Variants in CHRM3 observed in about 807,000 individuals in gnomAD.
The protein encoded by CHRM3 is muscarinic acetylcholine receptor M3.
Under a neutral mutation model 41.8 loss-of-function variants are expected in CHRM3, and 11 were observed. That is an observed-to-expected ratio of 0.26 (90% CI 0.17 to 0.44). The LOEUF (loss-of-function observed/expected upper bound fraction) is 0.44, where lower values mean the gene tolerates loss of function less well. CHRM3 is among the 20% of genes least tolerant of loss of function. The pLI is 1.00. For missense variants in CHRM3, 571 were observed against 745.4 expected, an observed-to-expected ratio of 0.77 and a Z score of 2.72; for synonymous variants, 297 against 301.4, an observed-to-expected ratio of 0.99 and a Z score of 0.15.
chr1:239,780,590 T>C (rs1668439943), intron 5 of CHRM3, among the ~76,000 whole-genome samples: 1 of 152,184 alleles, frequency 6.6e-6, no homozygotes, highest in African/African-American at 2.4e-5. Context: ...CATGACAGTG[T>C]CTCTCACAGA....
At chr1:239,551,922 G>A (rs1659869726) in intron 3 of CHRM3, among the ~76,000 whole-genome samples, 1 of 152,038 alleles carries the variant, frequency 6.6e-6, no homozygotes, top group African/African-American at 2.4e-5. Context: ...AGCTATTGTA[G>A]ATTAACATCC....
intron 1 of CHRM3, among the ~76,000 whole-genome samples, chr1:239,449,753 T>TGTGC (rs58076099): frequency 2.6e-5 from 4 of 151,576 alleles, no homozygotes; most frequent in African/African-American, 9.7e-5. Flanking sequence ...TGTGTGTGTG[T>TGTGC]GCGTGTGTGT....
intron 6 of CHRM3, among the ~76,000 whole-genome samples, chr1:239,866,504 G>A (rs1202676722): frequency 2.0e-5 from 3 of 151,992 alleles, no homozygotes; most frequent in Non-Finnish European, 4.4e-5. Context: ...AAGAACATTC[G>A]GCTCTGTTTT....
intron 2 of CHRM3, among the ~76,000 whole-genome samples, chr1:239,493,373 A>G (rs1489271147): frequency 1.3e-5 from 2 of 152,210 alleles, no homozygotes; most frequent in African/African-American, 4.8e-5. Context: ...ACCAGGCTTC[A>G]CTTGGCAGAT....
chr1:239,618,676 C>G (rs905887913), intron 3 of CHRM3, among the ~76,000 whole-genome samples: 2 of 150,868 alleles, frequency 1.3e-5, no homozygotes, highest in Admixed American at 1.3e-4. Context: ...AACCCCGTCT[C>G]TACTAAAAAT....
At chr1:239,822,004 C>T (rs1258159846) in intron 5 of CHRM3, among the ~76,000 whole-genome samples, 1 of 152,170 alleles carries the variant, frequency 6.6e-6, no homozygotes, top group Non-Finnish European at 1.5e-5. Flanking sequence ...CTTTGCCTTC[C>T]ACCATGATTG....
intron 3 of CHRM3, among the ~76,000 whole-genome samples, chr1:239,578,757 A>G (rs1010214559): frequency 6.6e-6 from 1 of 152,166 alleles, no homozygotes; most frequent in African/African-American, 2.4e-5. Context: ...AGCATTTTAC[A>G]CTAAAAGATC....
intron 4 of CHRM3, among the ~76,000 whole-genome samples, chr1:239,637,723 TTG>T (rs1261243688): frequency 6.7e-6 from 1 of 149,146 alleles, no homozygotes; most frequent in Non-Finnish European, 1.5e-5. Context: ...TTTTTTTTTT[TTG>T]GGGAATTTGT....
At chr1:239,904,587 G>A (rs1679829095) in intron 6 of CHRM3, among the ~76,000 whole-genome samples, 1 of 152,094 alleles carries the variant, frequency 6.6e-6, no homozygotes, top group Admixed American at 6.5e-5. Context: ...TGTAATTGTG[G>A]GCTACAAACA....
intron 1 of CHRM3, among the ~76,000 whole-genome samples, chr1:239,492,299 A>G (rs2148070513): frequency 6.6e-6 from 1 of 152,270 alleles, no homozygotes; most frequent in East Asian, 1.9e-4. Flanking sequence ...ATTCTCTGTT[A>G]TGACCCCTTT....
chr1:239,693,867 T>C (rs943086677), intron 5 of CHRM3, among the ~76,000 whole-genome samples: 14 of 152,212 alleles, frequency 9.2e-5, no homozygotes, highest in African/African-American at 3.4e-4. Context: ...GATAAATGTG[T>C]AGGGTTTCCT....
rs1475243598 is a variant in CHRM3 at position 239,801,417 on chromosome 1, G to A, written c.-146-25835G>A. Among the ~76,000 whole-genome samples, 7 of 152,168 alleles carry A rather than the reference G, an allele frequency of 4.6e-5. No homozygotes were observed. In the East Asian group the frequency reaches 1.2e-3, roughly 25 times the overall value. ...TTTTCCATAAAGTAGCTGAGATAAA[G>A]CAGGTTGATGCAATTGGGCAGCCCC... On this transcript the variant is annotated intron_variant, in intron 5 of 6. Transcript: ENST00000676153.
At chr1:239,500,405 G>C (rs559267219) in intron 2 of CHRM3, among the ~76,000 whole-genome samples, 142 of 137,228 alleles carry the variant, frequency 1.0e-3, no homozygotes, top group Non-Finnish European at 1.7e-3. Context: ...TCATAGGTGG[G>C]AATTGAACAA....
rs114347776 is a variant in CHRM3, at chr1:239,771,595, G to A, written c.-146-55657G>A. Among the ~76,000 whole-genome samples the A allele has an allele frequency of 6.5e-3, 988 of 152,340 alleles. 11 individuals carry two copies. The highest frequency in any genetic ancestry group is 0.022 in the African/African-American group (924 of 41,578). On this transcript the variant is annotated intron_variant, in intron 5 of 6. Coordinates refer to ENST00000676153, the MANE Select transcript of CHRM3 (RefSeq NM_001375978.1). ...GGCAGAAATGATGAAATTCATTCTA[G>A]TGTGTACATAATGTAGACCAAGGGT... is the stretch of plus-strand genomic sequence containing the variant.
rs993562942 is a variant in CHRM3 at position 239,642,144 on chromosome 1, C to T, written c.-250+9858C>T. 6.8e-5 allele frequency among the ~76,000 whole-genome samples: 9 copies of T among 131,814 alleles called. 1 individual carries two copies. Among genetic ancestry groups the T allele is most frequent in the Admixed American group, 2.3e-4 (3 of 13,100 alleles). The allele number at this position is 131,814 out of a possible 152,430, so 86.5% of individuals were successfully genotyped here. On this transcript the variant is annotated intron_variant, in intron 4 of 6. Coordinates refer to ENST00000676153, the MANE Select transcript of CHRM3 (RefSeq NM_001375978.1). ...TTCTGCCGAGAGACCCTCTGTTAGT[C>T]TGATGGGCTTCCCTTTGTGGGTAAC... is the stretch of plus-strand genomic sequence containing the variant.
In CHRM3 at chr1:239,405,314, T is replaced by G. The variant is rs370446128; in HGVS notation, c.-521+18087T>G. Among the ~76,000 whole-genome samples, 5 of 152,270 alleles carry G rather than the reference T, an allele frequency of 3.3e-5. No homozygotes were observed. In the East Asian group the frequency reaches 9.7e-4, roughly 29 times the overall value. The stretch of plus-strand genomic sequence containing the variant: ...ATTCCACTGGTAGTTTACTTGCTAG[T>G]TACGTTTTTTTAAGTTCCTGAATTG... On this transcript the variant is annotated intron_variant, in intron 1 of 6. Transcript: ENST00000676153.
intron 5 of CHRM3, among the ~76,000 whole-genome samples, chr1:239,771,050 T>A (rs1667620517): frequency 6.6e-6 from 1 of 150,756 alleles, no homozygotes; most frequent in Non-Finnish European, 1.5e-5. Flanking sequence ...ATCATCCTAC[T>A]GCACTCCAGC....
intron 1 of CHRM3, among the ~76,000 whole-genome samples, chr1:239,450,357 C>A (rs1450551554): frequency 6.6e-6 from 1 of 151,984 alleles, no homozygotes; most frequent in South Asian, 2.1e-4. Flanking sequence ...TTCATATTTC[C>A]CCTCCAAAGA....
intron 6 of CHRM3, among the ~76,000 whole-genome samples, chr1:239,901,387 T>C (rs1679552784): frequency 6.6e-6 from 1 of 152,086 alleles, no homozygotes; most frequent in Non-Finnish European, 1.5e-5. Flanking sequence ...GTCTTCTTTG[T>C]CCATCACCCT....
Sources: allele counts gnomAD v4.1 joint callset (sites outside exome capture counted in the v4.1 genomes callset), GRCh38; gene constraint gnomAD v4.1.1; transcripts MANE v1.5; gene names NCBI Gene and HGNC (gene_info 2026-07-23, HGNC 2026-07-21).